SLC44A5: variants seen among roughly 807,000 people sequenced by gnomAD.
SLC44A5 encodes the protein solute carrier family 44 member 5.
A neutral mutation model predicts 101.8 loss-of-function variants in SLC44A5; 57 were observed. The ratio of observed to expected loss-of-function variants is 0.56; its 90% CI spans 0.45 to 0.70. SLC44A5 has a LOEUF of 0.70. Among genes scored for constraint, SLC44A5 ranks in the 30% least tolerant of loss-of-function variants. SLC44A5 has a pLI of 0.00. For synonymous variants in SLC44A5, 281 were observed against 290.9 expected, an observed-to-expected ratio of 0.97 and a Z score of 0.35; for missense variants, 737 against 853.1, an observed-to-expected ratio of 0.86 and a Z score of 1.70.
upstream of SLC44A5, among the ~76,000 whole-genome samples, chr1:75,616,088 G>C (rs1021528726): frequency 1.2e-4 from 18 of 151,814 alleles, no homozygotes; most frequent in Admixed American, 2.0e-4. Context: ...CTCTGCTCTC[G>C]GCCGCGCCGC....
At chr1:75,240,135 A>G (rs1280935594) in intron 9 of SLC44A5, among the ~76,000 whole-genome samples, 1 of 152,138 alleles carries the variant, frequency 6.6e-6, no homozygotes, top group Non-Finnish European at 1.5e-5. Flanking sequence ...TAAAAAAATT[A>G]GTCCTTCCAC....
At chr1:75,619,079 A>G in the SLC44A5 span, among the ~76,000 whole-genome samples, 91 of 96,538 alleles carry the variant, frequency 9.4e-4, no homozygotes, top group South Asian at 5.6e-3. Flanking sequence ...TCAAAAAAAA[A>G]GGGGGGGGGG....
rs149116745 is a variant in SLC44A5, at chr1:75,371,501, T to C, written c.52+25082A>G. The stretch of plus-strand genomic sequence containing the variant: ...ATATCCAAAGACCCAAGTAGCTTTC[T>C]ACAGAGCATAATATTCAGCCTTTCC... On this transcript the variant is annotated intron_variant, in intron 3 of 23. Transcript: ENST00000370859. Among the ~76,000 whole-genome samples the C allele has an allele frequency of 1.5e-3, 222 of 152,266 alleles. 1 individual carries two copies. The highest frequency in any genetic ancestry group is 5.0e-3 in the African/African-American group (208 of 41,550).
At chr1:75,222,234 G>A (rs1462314193) in intron 14 of SLC44A5, 127 bp downstream of exon 14, 4 of 691,128 alleles carry the variant, frequency 5.8e-6, no homozygotes, top group Non-Finnish European at 1.0e-5. Context: ...GGGATTACAG[G>A]TGTGAACCAC....
rs150924417 is a variant in SLC44A5, at chr1:75,414,729, G to A, written c.14-18108C>T. On this transcript the variant is annotated intron_variant, in intron 2 of 23. Transcript: ENST00000370859. ...AGAAGGATGAGTGCTCAAGGCAAAG[G>A]GAACAGCACATGTGAAGCCTATGAG... Among the ~76,000 whole-genome samples, 3 of 152,192 alleles carry A rather than the reference G, an allele frequency of 2.0e-5. No individual in the cohort carries two copies. The East Asian group carries it at 5.8e-4, about 29-fold the overall frequency.
Position 75,292,866 on chromosome 1 carries a change from A to G in SLC44A5, c.175+7746T>C, listed in dbSNP as rs530727898. On this transcript the variant is annotated intron_variant, in intron 5 of 23. Transcript: ENST00000370859. The stretch of plus-strand genomic sequence containing the variant: ...TACTTATTCCTCATTTATTGTTTTT[A>G]TTAAATAAAATACAGTATAGTGTAG... Among the ~76,000 whole-genome samples, 53 of 152,292 alleles carry G rather than the reference A, an allele frequency of 3.5e-4. No individual in the cohort carries two copies. In the South Asian group the frequency reaches 0.011, roughly 32 times the overall value.
At chr1:75,567,533 G>A (rs565762058) in intron 1 of SLC44A5, among the ~76,000 whole-genome samples, 34 of 152,224 alleles carry the variant, frequency 2.2e-4, no homozygotes, top group African/African-American at 7.9e-4. Flanking sequence ...GGATGGCCTG[G>A]TTCAATATTG....
rs559547112 is a variant in SLC44A5 at position 75,473,341 on chromosome 1, C to T, written c.13+68094G>A. Among the ~76,000 whole-genome samples the T allele has an allele frequency of 1.9e-3, 282 of 152,230 alleles. 3 individuals are homozygous for T. Among genetic ancestry groups the T allele is most frequent in the Non-Finnish European group, 3.3e-3 (223 of 67,996 alleles). On this transcript the variant is annotated intron_variant, in intron 2 of 23. Coordinates refer to ENST00000370859, the MANE Select transcript of SLC44A5 (RefSeq NM_001130058.2). ...TATAAAAGAAAAAAAACATAGCTTA[C>T]AAGATGAAAATGTGTTGATGATTTT...
rs538254401 is a variant in SLC44A5, at chr1:75,443,289, A to T, written c.14-46668T>A. ...AAAGAAAATAGAAAAAAGTAAATAA[A>T]TTTAAAATTAAAAATAAGCAAAGCA... On this transcript the variant is annotated intron_variant, in intron 2 of 23. Transcript: ENST00000370859. Among the ~76,000 whole-genome samples, 23 of 152,134 alleles carry T rather than the reference A, an allele frequency of 1.5e-4. No individual in the cohort carries two copies. In the South Asian group the frequency reaches 4.6e-3, roughly 30 times the overall value.
the SLC44A5 span, among the ~76,000 whole-genome samples, chr1:75,712,755 G>A: frequency 0.26 from 37,468 of 144,164 alleles, 5,190 homozygotes; most frequent in Middle Eastern, 0.38. Flanking sequence ...AAATGCTGTC[G>A]TTTAAAAAAA....
At chr1:75,354,427 C>A (rs1233169973) in intron 3 of SLC44A5, among the ~76,000 whole-genome samples, 1 of 152,204 alleles carries the variant, frequency 6.6e-6, no homozygotes, top group Non-Finnish European at 1.5e-5. Flanking sequence ...CAGCTTCTAG[C>A]ACTCCCATTA....
chr1:75,273,814 T>A (rs956084081), intron 6 of SLC44A5, among the ~76,000 whole-genome samples: 1 of 152,148 alleles, frequency 6.6e-6, no homozygotes, highest in Admixed American at 6.6e-5. Flanking sequence ...TCTATGTTCA[T>A]TAAGGATATT....
At chr1:75,644,738 T>C in the SLC44A5 span, among the ~76,000 whole-genome samples, 9 of 152,110 alleles carry the variant, frequency 5.9e-5, no homozygotes, top group Admixed American at 3.9e-4. Context: ...GTGCTGCACC[T>C]ATTAACTCAT....
At chr1:75,544,521 ACACAC>A (rs1671538792) in intron 1 of SLC44A5, among the ~76,000 whole-genome samples, 1 of 151,958 alleles carries the variant, frequency 6.6e-6, no homozygotes, top group African/African-American at 2.4e-5. Context: ...ACACACACAC[ACACAC>A]AACAAAATAC....
At chr1:75,613,905 A>C (rs1311477193), upstream of SLC44A5, among the ~76,000 whole-genome samples, 2 of 152,242 alleles carry the variant, frequency 1.3e-5, no homozygotes, top group African/African-American at 4.8e-5. Context: ...AGCTCATTTC[A>C]TCAATCTAAT....
chr1:75,685,380 G>A, the SLC44A5 span, among the ~76,000 whole-genome samples: 1 of 152,232 alleles, frequency 6.6e-6, no homozygotes, highest in African/African-American at 2.4e-5. Flanking sequence ...CAGAAAATGG[G>A]TTTTTCTTTT....
At chr1:75,354,241 C>T (rs1418279646) in intron 3 of SLC44A5, among the ~76,000 whole-genome samples, 4 of 152,154 alleles carry the variant, frequency 2.6e-5, no homozygotes, top group Non-Finnish European at 2.9e-5. Context: ...AAGCTGTGTG[C>T]AGGTGGGTGT....
At chr1:75,703,947 G>A in the SLC44A5 span, among the ~76,000 whole-genome samples, 1 of 152,058 alleles carries the variant, frequency 6.6e-6, no homozygotes, top group African/African-American at 2.4e-5. Context: ...CCACATTTTG[G>A]GACGCTGAGG....
At chr1:75,520,940 G>A (rs572930486) in intron 2 of SLC44A5, among the ~76,000 whole-genome samples, 82 of 149,548 alleles carry the variant, frequency 5.5e-4, no homozygotes, top group Non-Finnish European at 9.0e-4. Context: ...TTGACAGGGA[G>A]AAAGGTCAAG....
Sources: gnomAD v4.1 joint callset for allele counts (sites outside exome capture counted in the v4.1 genomes callset) on GRCh38, gnomAD v4.1.1 for gene constraint, MANE v1.5 for transcripts, NCBI Gene and HGNC (gene_info 2026-07-23, HGNC 2026-07-21) for gene names.